ITGA9: variants seen among roughly 807,000 people sequenced by gnomAD.
ITGA9 encodes the protein integrin subunit alpha 9.
ITGA9 carries 56 observed loss-of-function variants against 127.8 expected under a neutral mutation model. That is an observed-to-expected ratio of 0.44 (90% confidence interval 0.35 to 0.55). The LOEUF is 0.55. Among genes scored for constraint, ITGA9 ranks in the 20% least tolerant of loss-of-function variants. The pLI, the probability that ITGA9 is intolerant of heterozygous loss-of-function variation, is 0.00. For synonymous variants in ITGA9, 508 were observed against 514.5 expected, an observed-to-expected ratio of 0.99 and a Z score of 0.17; for missense variants, 1,196 against 1,347.1, an observed-to-expected ratio of 0.89 and a Z score of 1.76.
At chr3:37,600,210 C>T (rs573297627) in intron 15 of ITGA9, among the ~76,000 whole-genome samples, 23 of 152,204 alleles carry the variant, frequency 1.5e-4, no homozygotes, top group South Asian at 6.2e-4. Flanking sequence ...TTATTGTATA[C>T]GAGACTCTGT....
intron 22 of ITGA9, chr3:37,748,963 A>T: frequency 1.7e-6 from 1 of 584,236 alleles, no homozygotes; most frequent in Non-Finnish European, 3.0e-6. Flanking sequence ...AAAAAGAAAA[A>T]TCCTTAACCC....
intron 1 of ITGA9, among the ~76,000 whole-genome samples, chr3:37,455,689 TAATTC>T (rs146095330): frequency 1.9e-4 from 29 of 152,358 alleles, no homozygotes; most frequent in Admixed American, 7.8e-4. Context: ...CTTTGTTACT[TAATTC>T]AATATTTTGC....
chr3:37,593,569 G>A lies in ITGA9; in HGVS notation c.1690-35618G>A, dbSNP rs74654336. Among the ~76,000 whole-genome samples, 209 of 152,332 alleles carry A rather than the reference G, an allele frequency of 1.4e-3. 1 individual carries two copies. The highest frequency in any genetic ancestry group is 4.2e-3 in the African/African-American group (176 of 41,572). On this transcript the variant is annotated intron_variant, in intron 15 of 27. Transcript: ENST00000264741. ...GTCCTCACATGGCAGGGAGAGAGAGGGAGAAAGCTCTCTAGTGTCTCTTCT... is the reference window on the plus strand; with the variant it reads ...GTCCTCACATGGCAGGGAGAGAGAGAGAGAAAGCTCTCTAGTGTCTCTTCT...
At chr3:37,667,770 G>T (rs771977599) in intron 17 of ITGA9, among the ~76,000 whole-genome samples, 1 of 152,134 alleles carries the variant, frequency 6.6e-6, no homozygotes, top group Admixed American at 6.6e-5. Context: ...TGACAGACAG[G>T]GATTAGAGTC....
At chr3:37,654,295 G>A (rs972643489) in intron 17 of ITGA9, among the ~76,000 whole-genome samples, 2 of 152,052 alleles carry the variant, frequency 1.3e-5, no homozygotes, top group African/African-American at 4.8e-5. Context: ...GGGGCAGGCT[G>A]CCCTGATCCA....
intron 18 of ITGA9, among the ~76,000 whole-genome samples, chr3:37,715,324 A>G (rs1418506473): frequency 1.3e-5 from 2 of 152,192 alleles, no homozygotes; most frequent in Admixed American, 6.5e-5. Context: ...TACTATCTGT[A>G]TTTTTACAGG....
intron 21 of ITGA9, among the ~76,000 whole-genome samples, chr3:37,742,759 C>T (rs1184224666): frequency 3.3e-5 from 5 of 152,140 alleles, no homozygotes; most frequent in African/African-American, 4.8e-5. Context: ...TGCACTAGCC[C>T]GCACTGCTGG....
intron 16 of ITGA9, among the ~76,000 whole-genome samples, chr3:37,650,099 C>T (rs1047253750): frequency 6.6e-6 from 1 of 152,168 alleles, no homozygotes. Context: ...TCAGTGTCTC[C>T]TGTGAGCCTC....
chr3:37,643,250 G>T (rs889723174), intron 16 of ITGA9, among the ~76,000 whole-genome samples: 7 of 152,168 alleles, frequency 4.6e-5, no homozygotes, highest in African/African-American at 1.7e-4. Flanking sequence ...CAGCTTCTGG[G>T]TAAATACTCT....
At chr3:37,695,426 C>G (rs1273547434) in intron 18 of ITGA9, among the ~76,000 whole-genome samples, 1 of 152,188 alleles carries the variant, frequency 6.6e-6, no homozygotes, top group Non-Finnish European at 1.5e-5. Context: ...TGACAAAAGT[C>G]TTTGAACTCT....
chr3:37,708,620 AGTGGGT>A (rs1240227962), intron 18 of ITGA9, among the ~76,000 whole-genome samples: 7 of 152,358 alleles, frequency 4.6e-5, no homozygotes, highest in Middle Eastern at 3.4e-3. Context: ...ATTAGCATCT[AGTGGGT>A]ATGCCAGGGA....
At chr3:37,741,207 C>T (rs919617571) in intron 20 of ITGA9, among the ~76,000 whole-genome samples, 2 of 152,240 alleles carry the variant, frequency 1.3e-5, no homozygotes, top group African/African-American at 4.8e-5. Flanking sequence ...ACCAGCCACC[C>T]TGCTGAGGCT....
intron 10 of ITGA9, among the ~76,000 whole-genome samples, chr3:37,517,954 A>T (rs1438700445): frequency 1.3e-5 from 2 of 152,222 alleles, no homozygotes; most frequent in East Asian, 3.9e-4. Context: ...TCCTGCCATC[A>T]ACTCTCCTTG....
intron 15 of ITGA9, among the ~76,000 whole-genome samples, chr3:37,560,105 C>G (rs553230464): frequency 2.0e-5 from 3 of 151,746 alleles, no homozygotes; most frequent in African/African-American, 7.3e-5. Flanking sequence ...TCCCCCAGCC[C>G]GCCACCCCCC....
intron 18 of ITGA9, among the ~76,000 whole-genome samples, chr3:37,709,125 G>A (rs1181104923): frequency 6.6e-6 from 1 of 152,162 alleles, no homozygotes; most frequent in African/African-American, 2.4e-5. Flanking sequence ...TAAGAATAAT[G>A]TTGACCTTAT....
intron 18 of ITGA9, among the ~76,000 whole-genome samples, chr3:37,718,418 G>A (rs1230952543): frequency 6.6e-6 from 1 of 152,176 alleles, no homozygotes; most frequent in Non-Finnish European, 1.5e-5. Flanking sequence ...AAGACAGAGA[G>A]GACCATAATA....
At chr3:37,502,533 G>A (rs1698797327) in intron 5 of ITGA9, among the ~76,000 whole-genome samples, 2 of 152,204 alleles carry the variant, frequency 1.3e-5, no homozygotes, top group Non-Finnish European at 2.9e-5. Context: ...GTTTTTAACA[G>A]TGATACCGTC....
At chr3:37,816,769 G>A (rs926974502) in intron 27 of ITGA9, among the ~76,000 whole-genome samples, 4 of 152,176 alleles carry the variant, frequency 2.6e-5, no homozygotes, top group African/African-American at 4.8e-5. Context: ...GAAACCTCCA[G>A]GGCTGAAATC....
At chr3:37,743,356 A>G (rs1035275251) in intron 21 of ITGA9, among the ~76,000 whole-genome samples, 3 of 152,222 alleles carry the variant, frequency 2.0e-5, no homozygotes, top group African/African-American at 7.2e-5. Flanking sequence ...AGCAACATTG[A>G]AAGCATTGCT....
Sources: gnomAD v4.1 joint callset for allele counts (sites outside exome capture counted in the v4.1 genomes callset) on GRCh38, gnomAD v4.1.1 for gene constraint, MANE v1.5 for transcripts, NCBI Gene and HGNC (gene_info 2026-07-23, HGNC 2026-07-21) for gene names.